The following SH3KBP1 variants were observed in gnomAD, a reference collection of about 807,000 sequenced individuals.
SH3KBP1 encodes SH3 domain-containing kinase-binding protein 1.
SH3KBP1 carries 8 observed loss-of-function variants against 50.1 expected under a neutral mutation model. That is an observed-to-expected ratio of 0.16 (90% confidence interval 0.09 to 0.29). SH3KBP1 has a LOEUF of 0.29. SH3KBP1 is among the 10% of genes least tolerant of loss of function. The pLI is 1.00. For missense variants in SH3KBP1, 377 were observed against 535.2 expected (o/e 0.70, Z 2.92); for synonymous variants, 227 against 218.6 (o/e 1.04, Z -0.34).
chrX:19,757,590 G>A (rs1278597324), intron 2 of SH3KBP1, among the ~76,000 whole-genome samples: 12 of 103,674 alleles, frequency 1.2e-4, no homozygotes, highest in Admixed American at 3.2e-4. Context: ...CAGATTCACC[G>A]AGCCAGACAA....
Position 19,783,485 on chromosome X carries a change from T to C in SH3KBP1, c.163-37044A>G, listed in dbSNP as rs190889882. Among the ~76,000 whole-genome samples the C allele has an allele frequency of 1.8e-3, 199 of 111,481 alleles. 2 individuals are homozygous for C. Among genetic ancestry groups the C allele is most frequent in the African/African-American group, 6.2e-3 (191 of 30,672 alleles). ...GTCAGCCTATGATGCCACAGAATACTAGAACTTATTCCTCCCATCTAGCTG... is the reference window on the plus strand; with the variant it reads ...GTCAGCCTATGATGCCACAGAATACCAGAACTTATTCCTCCCATCTAGCTG... On this transcript the variant is annotated intron_variant, in intron 2 of 17. Coordinates refer to ENST00000397821, the MANE Select transcript of SH3KBP1 (RefSeq NM_031892.3).
At chrX:19,808,732 ACAAATGCT>A (rs2067123512) in intron 2 of SH3KBP1, among the ~76,000 whole-genome samples, 1 of 111,628 alleles carries the variant, frequency 9.0e-6, no homozygotes, top group African/African-American at 3.3e-5. Flanking sequence ...GCTCCTGTAA[ACAAATGCT>A]CAGGTCCTGT....
chrX:19,553,108 G>C (rs2065290229), intron 13 of SH3KBP1, among the ~76,000 whole-genome samples: 2 of 111,497 alleles, frequency 1.8e-5, no homozygotes. Flanking sequence ...CTGGAGCCAG[G>C]AAGAGGCCCG....
intron 2 of SH3KBP1, among the ~76,000 whole-genome samples, chrX:19,815,971 T>A (rs774356715): frequency 8.9e-6 from 1 of 112,676 alleles, no homozygotes; most frequent in South Asian, 3.6e-4. Context: ...AACATCTGTG[T>A]ACAGGTTTTT....
chrX:19,722,585 T>TGCACTG (rs1273794036), intron 3 of SH3KBP1, among the ~76,000 whole-genome samples: 1 of 104,922 alleles, frequency 9.5e-6, no homozygotes, highest in African/African-American at 3.6e-5. Context: ...TGTGTGTGTG[T>TGCACTG]GTGTGTGTGT....
intron 3 of SH3KBP1, among the ~76,000 whole-genome samples, chrX:19,741,597 G>A (rs1216149363): frequency 8.9e-6 from 1 of 111,760 alleles, no homozygotes; most frequent in Non-Finnish European, 1.9e-5. Context: ...TAGAAACAAG[G>A]ACATATAAAG....
chrX:19,541,322 G>T (rs933617830), intron 16 of SH3KBP1, among the ~76,000 whole-genome samples: 1 of 111,932 alleles, frequency 8.9e-6, no homozygotes, highest in Non-Finnish European at 1.9e-5. Flanking sequence ...TCAACAAAGT[G>T]CTCCCTGAGG....
chrX:19,753,148 C>G (rs927441582), intron 2 of SH3KBP1, among the ~76,000 whole-genome samples: 1 of 111,996 alleles, frequency 8.9e-6, no homozygotes, highest in Non-Finnish European at 1.9e-5. Context: ...TGGTACTTCT[C>G]TCTGCATTTG....
chrX:19,851,995 A>C (rs2068522655), intron 1 of SH3KBP1, among the ~76,000 whole-genome samples: 2 of 111,873 alleles, frequency 1.8e-5, no homozygotes, highest in African/African-American at 6.5e-5. Flanking sequence ...AGCTGTCAAC[A>C]GGAGAAATCT....
intron 8 of SH3KBP1, among the ~76,000 whole-genome samples, chrX:19,624,847 G>A (rs2067964109): frequency 8.9e-6 from 1 of 112,251 alleles, no homozygotes; most frequent in Non-Finnish European, 1.9e-5. Context: ...GCTCAACACT[G>A]ACATTTTCCA....
chrX:19,542,725 G>A (rs150207670), intron 15 of SH3KBP1, among the ~76,000 whole-genome samples: 19 of 111,972 alleles, frequency 1.7e-4, no homozygotes, highest in Admixed American at 2.8e-4. Flanking sequence ...AGTAGCCAGA[G>A]GAAAGGAGGG....
intron 3 of SH3KBP1, among the ~76,000 whole-genome samples, chrX:19,732,596 T>TACACACACACACACACACAC (rs60032683): frequency 1.1e-5 from 1 of 90,752 alleles, no homozygotes; most frequent in African/African-American, 4.0e-5. Flanking sequence ...TAAAAATCCC[T>TACACACACACACACACACAC]ACACACACAC....
intron 2 of SH3KBP1, among the ~76,000 whole-genome samples, chrX:19,834,202 C>T (rs2067994290): frequency 8.9e-6 from 1 of 112,283 alleles, no homozygotes; most frequent in Non-Finnish European, 1.9e-5. Flanking sequence ...AGTCCAGTGT[C>T]CATCACACAT....
intron 2 of SH3KBP1, among the ~76,000 whole-genome samples, chrX:19,803,102 A>G (rs749592532): frequency 9.0e-6 from 1 of 111,525 alleles, no homozygotes; most frequent in Non-Finnish European, 1.9e-5. Flanking sequence ...TATCCAGATC[A>G]CACTTAGCGC....
chrX:19,561,540 C>T (rs1247975696), intron 13 of SH3KBP1, among the ~76,000 whole-genome samples: 1 of 111,848 alleles, frequency 8.9e-6, no homozygotes, highest in Non-Finnish European at 1.9e-5. Flanking sequence ...GGGCCTTTTC[C>T]TTGCCCCCAA....
At chrX:19,772,485 T>G (rs1011966423) in intron 2 of SH3KBP1, among the ~76,000 whole-genome samples, 1 of 110,695 alleles carries the variant, frequency 9.0e-6, no homozygotes, top group African/African-American at 3.3e-5. Context: ...TGTTTTTTGT[T>G]TTTTTTTAGA....
intron 4 of SH3KBP1, among the ~76,000 whole-genome samples, chrX:19,703,244 T>C (rs2063567822): frequency 9.0e-6 from 1 of 111,676 alleles, no homozygotes; most frequent in Non-Finnish European, 1.9e-5. Context: ...ACACATTTGG[T>C]TAAATTGCAC....
intron 2 of SH3KBP1, among the ~76,000 whole-genome samples, chrX:19,822,910 G>A (rs754591540): frequency 1.2e-4 from 13 of 112,357 alleles, no homozygotes; most frequent in Admixed American, 9.4e-4. Flanking sequence ...TTACTTAGAG[G>A]TCATTCTGAA....
intron 1 of SH3KBP1, among the ~76,000 whole-genome samples, chrX:19,881,592 C>T (rs1471454657): frequency 9.0e-6 from 1 of 111,681 alleles, no homozygotes; most frequent in Non-Finnish European, 1.9e-5. Flanking sequence ...AATGACCAAA[C>T]TGACGAGGTT....
Sources: gnomAD v4.1 joint callset for allele counts (sites outside exome capture counted in the v4.1 genomes callset) on GRCh38, gnomAD v4.1.1 for gene constraint, MANE v1.5 for transcripts, NCBI Gene and HGNC (gene_info 2026-07-23, HGNC 2026-07-21) for gene names.